Variants in CACNA2D3 observed in about 807,000 individuals in gnomAD.
The protein encoded by CACNA2D3 is voltage-dependent calcium channel subunit alpha-2/delta-3.
CACNA2D3 carries 60 observed loss-of-function variants against 160.6 expected under a neutral mutation model. The ratio of observed to expected loss-of-function variants is 0.37; its 90% CI spans 0.30 to 0.46. The LOEUF (loss-of-function observed/expected upper bound fraction) is 0.46, where lower values mean the gene tolerates loss of function less well. Among genes scored for constraint, CACNA2D3 ranks in the 20% least tolerant of loss-of-function variants. The probability of loss-of-function intolerance (pLI) is 1.00; values close to 1 mark genes in which losing one functional copy is unlikely to be tolerated. For missense variants in CACNA2D3, 1,205 were observed against 1,365.0 expected, an observed-to-expected ratio of 0.88 and a Z score of 1.85; for synonymous variants, 558 against 492.9, an observed-to-expected ratio of 1.13 and a Z score of -1.75.
intron 3 of CACNA2D3, among the ~76,000 whole-genome samples, chr3:54,346,779 G>A (rs145676689): frequency 5.7e-4 from 87 of 152,138 alleles, no homozygotes; most frequent in East Asian, 4.8e-3. Flanking sequence ...TCCTGTATCC[G>A]TCATTACCGT....
At chr3:54,913,901 C>T (rs990315070) in intron 27 of CACNA2D3, among the ~76,000 whole-genome samples, 2 of 152,100 alleles carry the variant, frequency 1.3e-5, no homozygotes, top group Non-Finnish European at 2.9e-5. Flanking sequence ...TACTATGAGG[C>T]TTAGAGAAAA....
chr3:55,005,339 A>G (rs1703071917), intron 32 of CACNA2D3, among the ~76,000 whole-genome samples: 1 of 152,196 alleles, frequency 6.6e-6, no homozygotes, highest in African/African-American at 2.4e-5. Flanking sequence ...ATCAACTGAA[A>G]TCCAGTAATT....
At chr3:55,041,527 AGTT>A (rs1388494192) in intron 35 of CACNA2D3, among the ~76,000 whole-genome samples, 2 of 152,168 alleles carry the variant, frequency 1.3e-5, no homozygotes, top group Non-Finnish European at 2.9e-5. Flanking sequence ...GTGAGAGTGC[AGTT>A]GTTTTTACAT....
intron 16 of CACNA2D3, among the ~76,000 whole-genome samples, chr3:54,845,074 T>C (rs1438080568): frequency 6.6e-6 from 1 of 152,228 alleles, no homozygotes; most frequent in Non-Finnish European, 1.5e-5. Context: ...ATAGGAAATC[T>C]CTGGTTTATC....
intron 2 of CACNA2D3, among the ~76,000 whole-genome samples, chr3:54,289,412 A>G (rs528217143): frequency 6.6e-6 from 1 of 152,324 alleles, no homozygotes; most frequent in East Asian, 1.9e-4. Flanking sequence ...AAATGAGGAT[A>G]CAAAGAAATG....
chr3:54,382,049 C>G (rs1341264421), intron 3 of CACNA2D3, among the ~76,000 whole-genome samples: 1 of 152,316 alleles, frequency 6.6e-6, no homozygotes, highest in East Asian at 1.9e-4. Context: ...GCTGTTTTCT[C>G]TTACCTCACA....
chr3:54,316,484 T>G (rs757408888), intron 2 of CACNA2D3, among the ~76,000 whole-genome samples: 1 of 152,202 alleles, frequency 6.6e-6, no homozygotes, highest in Non-Finnish European at 1.5e-5. Context: ...TTTTTGCTTA[T>G]GAGATACTTC....
chr3:54,504,886 G>A (rs1179971757), intron 5 of CACNA2D3, among the ~76,000 whole-genome samples: 1 of 152,184 alleles, frequency 6.6e-6, no homozygotes, highest in Non-Finnish European at 1.5e-5. Flanking sequence ...ATGAAATGAT[G>A]TGTGTGTAGC....
chr3:54,265,616 A>ATATATATATAGTGTGTATATATATAGTG (rs1702490704), intron 2 of CACNA2D3, among the ~76,000 whole-genome samples: 2 of 143,100 alleles, frequency 1.4e-5, no homozygotes, highest in South Asian at 4.4e-4. Context: ...TATAGTGTGT[A>ATATATATATAGTGTGTATATATATAGTG]TATATATATA....
Position 55,073,864 on chromosome 3 carries a change from G to A in CACNA2D3, c.3183+5G>A, listed in dbSNP as rs1351394909. The A allele has an allele frequency of 1.9e-6, 3 of 1,611,094 alleles. No individual in the cohort carries two copies. The highest frequency in any genetic ancestry group is 2.7e-5 in the African/African-American group (2 of 74,994). ...TGTCATGGCTTCCATCCTGAGGTAA[G>A]TCTGAGAACTGTTCCTGTTTCCTTT... On this transcript the variant is annotated splice_donor_5th_base_variant and intron_variant, in intron 37 of 37. Coordinates refer to ENST00000474759, the MANE Select transcript of CACNA2D3 (RefSeq NM_018398.3).
Position 54,471,050 on chromosome 3 carries a change from A to G in CACNA2D3, c.382-32442A>G, listed in dbSNP as rs555138995. Among the ~76,000 whole-genome samples, 4 of 152,254 alleles carry G rather than the reference A, an allele frequency of 2.6e-5. No individual in the cohort carries two copies. In the East Asian group the frequency reaches 7.7e-4, roughly 29 times the overall value. ...TTCAGGACTTGAACTCAGTTCTGGA[A>G]CAAGCAGACCTAATAGACATCTACA... On this transcript the variant is annotated intron_variant, in intron 4 of 37. Transcript: ENST00000474759.
intron 27 of CACNA2D3, among the ~76,000 whole-genome samples, chr3:54,935,268 C>T (rs1475117166): frequency 2.6e-5 from 4 of 152,260 alleles, no homozygotes; most frequent in African/African-American, 9.6e-5. Context: ...CCTATACTGT[C>T]AGGGTTAGAG....
At chr3:54,293,004 G>T (rs931442237) in intron 2 of CACNA2D3, among the ~76,000 whole-genome samples, 1 of 152,164 alleles carries the variant, frequency 6.6e-6, no homozygotes, top group African/African-American at 2.4e-5. Context: ...AAAAAGGAAT[G>T]AATTTTTCAT....
chr3:54,696,672 A>G (rs1442817779), intron 11 of CACNA2D3, among the ~76,000 whole-genome samples: 2 of 152,168 alleles, frequency 1.3e-5, no homozygotes, highest in Non-Finnish European at 2.9e-5. Flanking sequence ...CCATCATCAC[A>G]TTACTTAGCA....
At chr3:54,755,554 G>A (rs191111914) in intron 12 of CACNA2D3, among the ~76,000 whole-genome samples, 6 of 152,064 alleles carry the variant, frequency 3.9e-5, no homozygotes, top group African/African-American at 1.5e-4. Context: ...TTCATTGTCT[G>A]GCTTGCTTCA....
rs11295270 is a variant in CACNA2D3, at chr3:54,946,817, T to TA, written c.2450-21619dup. On this transcript the variant is annotated intron_variant, in intron 27 of 37. Transcript: ENST00000474759. ...AACTTTGGAAGTAGATGTGGTTTAT[T>TA]AAAAAAAAAAAAAATGATGGGACCA... 5.3e-3 allele frequency among the ~76,000 whole-genome samples: 766 copies of TA among 145,534 alleles called. 7 individuals carry two copies. The highest frequency in any genetic ancestry group is 0.015 in the African/African-American group (606 of 39,978).
intron 4 of CACNA2D3, among the ~76,000 whole-genome samples, chr3:54,423,298 TAAA>T (rs1321360259): frequency 6.6e-6 from 1 of 152,148 alleles, no homozygotes; most frequent in Non-Finnish European, 1.5e-5. Context: ...ATTTTTAAGA[TAAA>T]AAGAAGAAAT....
At chr3:54,152,138 T>C (rs184310231) in intron 2 of CACNA2D3, among the ~76,000 whole-genome samples, 3 of 152,246 alleles carry the variant, frequency 2.0e-5, no homozygotes, top group African/African-American at 7.2e-5. Flanking sequence ...TGGGTCTCTC[T>C]TGGGACACTG....
At position 54,174,726 on chromosome 3, in the gene CACNA2D3, C is replaced by T. The variant is rs903148787; in HGVS notation, c.204+51132C>T. Among the ~76,000 whole-genome samples the T allele has an allele frequency of 1.1e-4, 17 of 152,124 alleles. No homozygotes were observed. In the East Asian group the frequency reaches 2.5e-3, roughly 22 times the overall value. On this transcript the variant is annotated intron_variant, in intron 2 of 37. Transcript: ENST00000474759. Reference sequence around the variant, plus strand: ...TTTTTTGGTAGAGATGGGGTTTCACCGTGTTAGCCAGGATGGTTTCGATCT... The same window carrying T: ...TTTTTTGGTAGAGATGGGGTTTCACTGTGTTAGCCAGGATGGTTTCGATCT...
Sources: gnomAD v4.1 joint callset for allele counts (sites outside exome capture counted in the v4.1 genomes callset) on GRCh38, gnomAD v4.1.1 for gene constraint, MANE v1.5 for transcripts, NCBI Gene and HGNC (gene_info 2026-07-23, HGNC 2026-07-21) for gene names.